Variants in TAFA1 observed in about 807,000 individuals in gnomAD.
TAFA1 encodes the protein TAFA chemokine like family member 1.
Under a neutral mutation model 18.5 loss-of-function variants are expected in TAFA1, and 4 were observed. The ratio of observed to expected loss-of-function variants is 0.22; its 90% CI spans 0.11 to 0.49. TAFA1 has a LOEUF of 0.49. Ranked by LOEUF, TAFA1 falls within the 20% of genes least tolerant of loss-of-function variation. The pLI, the probability that TAFA1 is intolerant of heterozygous loss-of-function variation, is 0.98. For missense variants in TAFA1, 147 were observed against 169.0 expected (o/e 0.87, Z 0.72); for synonymous variants, 56 against 55.2 (o/e 1.01, Z -0.06).
intron 3 of TAFA1, among the ~76,000 whole-genome samples, chr3:68,506,400 T>C (rs1350451842): frequency 6.6e-6 from 1 of 152,062 alleles, no homozygotes; most frequent in African/African-American, 2.4e-5. Flanking sequence ...CTGCCCACAC[T>C]TAAGCAGAGA....
chr3:68,161,188 A>G (rs2065921431), intron 2 of TAFA1, among the ~76,000 whole-genome samples: 1 of 152,232 alleles, frequency 6.6e-6, no homozygotes, highest in South Asian at 2.1e-4. Flanking sequence ...TTCCCATAGA[A>G]GGTATAACGC....
chr3:68,537,675 T>G (rs943357217), intron 3 of TAFA1, among the ~76,000 whole-genome samples: 1 of 152,222 alleles, frequency 6.6e-6, no homozygotes, highest in Non-Finnish European at 1.5e-5. Flanking sequence ...AAAACTTTGC[T>G]GGACTACTTC....
chr3:68,229,935 T>C (rs1202247232), intron 2 of TAFA1, among the ~76,000 whole-genome samples: 2 of 152,186 alleles, frequency 1.3e-5, no homozygotes, highest in Non-Finnish European at 1.5e-5. Context: ...ACAGGACCTA[T>C]GGTGATGGCT....
chr3:68,090,901 C>G (rs911734347), intron 2 of TAFA1, among the ~76,000 whole-genome samples: 6 of 152,134 alleles, frequency 3.9e-5, no homozygotes, highest in African/African-American at 1.4e-4. Context: ...CAGAAAGATT[C>G]TCAGCTAACA....
At chr3:68,350,335 A>G (rs527561842) in intron 2 of TAFA1, among the ~76,000 whole-genome samples, 2 of 152,240 alleles carry the variant, frequency 1.3e-5, no homozygotes, top group African/African-American at 4.8e-5. Flanking sequence ...TTATTTAATT[A>G]TGTTATGCCA....
In TAFA1 at chr3:68,288,377, A is replaced by C. The variant is rs1419300912; in HGVS notation, c.119-128903A>C. 3.1e-5 allele frequency among the ~76,000 whole-genome samples: 3 copies of C among 96,352 alleles called. No individual in the cohort carries two copies. The South Asian group carries it at 1.6e-3, about 52-fold the overall frequency. 63.2% of individuals were successfully genotyped at this position (96,352 alleles called of 152,430 possible). On this transcript the variant is annotated intron_variant, in intron 2 of 4. Transcript: ENST00000478136. ...GTGTTGAATTCCAAGAAGTCAGTGA[A>C]AGCGAAATGAGCCAAATAAAATGCA...
Position 68,359,275 on chromosome 3 carries a change from A to T in TAFA1, c.119-58005A>T, listed in dbSNP as rs528163717. Among the ~76,000 whole-genome samples the T allele has an allele frequency of 3.3e-5, 5 of 152,130 alleles. No individual in the cohort carries two copies. In the South Asian group the frequency reaches 6.2e-4, roughly 19 times the overall value. ...GACTTCAGTAATGCTTGGGTTGGCC[A>T]CTGTGATAGGCAGAATAATGATCCC... On this transcript the variant is annotated intron_variant, in intron 2 of 4. Coordinates refer to ENST00000478136, the MANE Select transcript of TAFA1 (RefSeq NM_213609.4).
chr3:68,399,874 T>G (rs1001651323), intron 2 of TAFA1, among the ~76,000 whole-genome samples: 1 of 152,152 alleles, frequency 6.6e-6, no homozygotes, highest in African/African-American at 2.4e-5. Flanking sequence ...TTGGATCTAG[T>G]GCTCAAAGGT....
At chr3:68,083,703 C>T (rs558646706) in intron 2 of TAFA1, among the ~76,000 whole-genome samples, 3 of 152,246 alleles carry the variant, frequency 2.0e-5, no homozygotes, top group East Asian at 3.9e-4. Flanking sequence ...TCTGGCAATT[C>T]CCAGCTTCAG....
chr3:68,181,013 A>C (rs1478937338), intron 2 of TAFA1, among the ~76,000 whole-genome samples: 1 of 152,230 alleles, frequency 6.6e-6, no homozygotes. Flanking sequence ...GCAATGCTGC[A>C]TAAACACACA....
At chr3:68,381,255 T>C (rs1434859316) in intron 2 of TAFA1, among the ~76,000 whole-genome samples, 1 of 151,734 alleles carries the variant, frequency 6.6e-6, no homozygotes, top group African/African-American at 2.4e-5. Flanking sequence ...CAATGTGGGC[T>C]CTTTTTTGGT....
At chr3:68,332,829 C>G (rs990711315) in intron 2 of TAFA1, among the ~76,000 whole-genome samples, 54 of 152,082 alleles carry the variant, frequency 3.6e-4, no homozygotes, top group African/African-American at 1.3e-3. Context: ...TTGGTAGAGC[C>G]ATTATGGAAA....
intron 2 of TAFA1, among the ~76,000 whole-genome samples, chr3:68,260,693 A>G (rs1267404505): frequency 4.6e-5 from 7 of 152,066 alleles, no homozygotes; most frequent in Admixed American, 3.3e-4. Context: ...TTAATAAATG[A>G]TGCTGGGAAA....
intron 2 of TAFA1, among the ~76,000 whole-genome samples, chr3:68,297,661 G>T (rs924976176): frequency 6.6e-6 from 1 of 151,870 alleles, no homozygotes; most frequent in Non-Finnish European, 1.5e-5. Context: ...GGTCATTTTT[G>T]AAAATTATTT....
intron 3 of TAFA1, among the ~76,000 whole-genome samples, chr3:68,529,333 T>C (rs2073154117): frequency 6.6e-6 from 1 of 150,972 alleles, no homozygotes; most frequent in Non-Finnish European, 1.5e-5. Flanking sequence ...TAGCATTTCA[T>C]CTGCTTCTTC....
intron 2 of TAFA1, among the ~76,000 whole-genome samples, chr3:68,305,990 C>CAGTGAATTGGAGTAAGTTACTAATG (rs1262062358): frequency 2.6e-5 from 4 of 152,214 alleles, no homozygotes; most frequent in East Asian, 3.9e-4. Flanking sequence ...GTTTGAAAAA[C>CAGTGAATTGGAGTAAGTTACTAATG]AGTGAATTGG....
intron 2 of TAFA1, among the ~76,000 whole-genome samples, chr3:68,287,914 T>TGGGGGGGG (rs71112629): frequency 1.9e-5 from 1 of 53,236 alleles, no homozygotes; most frequent in Non-Finnish European, 3.3e-5. Context: ...TGTTGGGGGG[T>TGGGGGGGG]GGGGGGGCTT....
At chr3:68,135,128 A>G (rs149429684) in intron 2 of TAFA1, among the ~76,000 whole-genome samples, 81 of 152,286 alleles carry the variant, frequency 5.3e-4, no homozygotes, top group African/African-American at 1.8e-3. Context: ...GTCTCATTTC[A>G]GCCAAGTAAG....
rs1575670203 is a variant in TAFA1, at chr3:68,190,761, T to A, written c.118+184017T>A. Among the ~76,000 whole-genome samples, 4 of 151,872 alleles carry A rather than the reference T, an allele frequency of 2.6e-5. No individual in the cohort carries two copies. The South Asian group carries it at 8.3e-4, about 31-fold the overall frequency. On this transcript the variant is annotated intron_variant, in intron 2 of 4. Coordinates refer to ENST00000478136, the MANE Select transcript of TAFA1 (RefSeq NM_213609.4). ...AATACACCATGTGGGCTGTTAAGTT[T>A]TTTTTCTTAAAATATCTTTATGAAC...
Sources: gnomAD v4.1 joint callset for allele counts (sites outside exome capture counted in the v4.1 genomes callset) on GRCh38, gnomAD v4.1.1 for gene constraint, MANE v1.5 for transcripts, NCBI Gene and HGNC (gene_info 2026-07-23, HGNC 2026-07-21) for gene names.